TRPC1: variants seen among roughly 807,000 people sequenced by gnomAD.
The protein encoded by TRPC1 is transient receptor potential cation channel subfamily C member 1, also known as short transient receptor potential channel 1.
A neutral mutation model predicts 88.2 loss-of-function variants in TRPC1; 42 were observed. That is an observed-to-expected ratio of 0.48 (90% CI 0.37 to 0.62). TRPC1 has a LOEUF of 0.62. Among genes scored for constraint, TRPC1 ranks in the 20% least tolerant of loss-of-function variants. TRPC1 has a pLI of 0.00. For synonymous variants in TRPC1, 288 were observed against 331.8 expected (o/e 0.87, Z 1.43); for missense variants, 699 against 957.3 (o/e 0.73, Z 3.56).
chr3:142,743,330 T>C (rs1399525730), intron 2 of TRPC1, among the ~76,000 whole-genome samples, 155 bp from the exon 3 acceptor site: 1 of 152,160 alleles, frequency 6.6e-6, no homozygotes, highest in Non-Finnish European at 1.5e-5. Flanking sequence ...GGCAAGCAAA[T>C]GTACTATTTG....
chr3:142,775,818 A>T (rs1044502192), intron 4 of TRPC1, among the ~76,000 whole-genome samples: 4 of 152,230 alleles, frequency 2.6e-5, no homozygotes, highest in African/African-American at 9.6e-5. Context: ...AAAGAAATTC[A>T]TTTTAAACCA....
chr3:142,777,914 C>A, intron 5 of TRPC1, 151 bp downstream of exon 5: 1 of 804,314 alleles, frequency 1.2e-6, no homozygotes, highest in East Asian at 2.9e-5. Context: ...CCCCTGCTCT[C>A]CCTCAAAGGA....
In TRPC1 at chr3:142,724,287, GGA is replaced by G. The variant is rs1933561071; in HGVS notation, c.-272_-271del. The G allele has an allele frequency of 4.9e-6, 1 of 205,370 alleles. No homozygotes were observed. The highest frequency in any genetic ancestry group is 9.7e-6 in the Non-Finnish European group (1 of 103,196). The allele number at this position is 205,370 out of a possible 1,614,324, so 12.7% of individuals were successfully genotyped here. ...CACACTGTCGTCCCCGGACGGGCGCGGACCGGCTCGGCCGGGGCGCCGGCGGC... is the reference window on the plus strand; with the variant it reads ...CACACTGTCGTCCCCGGACGGGCGCGCCGGCTCGGCCGGGGCGCCGGCGGC... On this transcript the variant is annotated 5_prime_UTR_variant, in exon 1 of 13. Coordinates refer to ENST00000476941, the MANE Select transcript of TRPC1 (RefSeq NM_001251845.2). The surrounding 1 kb of genome is among the most constrained non-coding windows in gnomAD (Gnocchi z 5.6).
intron 6 of TRPC1, among the ~76,000 whole-genome samples, chr3:142,784,171 A>G (rs573499063): frequency 1.3e-5 from 2 of 152,230 alleles, no homozygotes; most frequent in East Asian, 1.9e-4. Context: ...ACTAAAATCA[A>G]TAGTTTCTCT....
Position 142,805,303 on chromosome 3 carries a change from TA to T in TRPC1, c.2154+676del, listed in dbSNP as rs1350707181. 3.3e-5 allele frequency among the ~76,000 whole-genome samples: 5 copies of T among 152,230 alleles called. No homozygotes were observed. The South Asian group carries it at 1.0e-3, about 32-fold the overall frequency. On this transcript the variant is annotated intron_variant, in intron 12 of 12. Transcript: ENST00000476941. ...AAAATACCCATTCTGTCACTGTAGC[TA>T]AAGAATGACTACTAGAATCAGCTCA...
chr3:142,753,248 G>C (rs1445325880), intron 4 of TRPC1, among the ~76,000 whole-genome samples: 3 of 152,190 alleles, frequency 2.0e-5, no homozygotes, highest in African/African-American at 7.2e-5. Flanking sequence ...AGATCTTTTA[G>C]TATGAGTAAG....
Position 142,770,674 on chromosome 3 carries a change from T to C in TRPC1, c.633-6958T>C, listed in dbSNP as rs1935546056. 2.0e-5 allele frequency among the ~76,000 whole-genome samples: 3 copies of C among 152,230 alleles called. No individual in the cohort carries two copies. In the South Asian group the frequency reaches 6.2e-4, roughly 31 times the overall value. On this transcript the variant is annotated intron_variant, in intron 4 of 12. Coordinates refer to ENST00000476941, the MANE Select transcript of TRPC1 (RefSeq NM_001251845.2). ...ATTAAGCTGTTCACATTTAATGTTA[T>C]TGATAGTTGGATTTATGCCTTCCAT...
intron 4 of TRPC1, among the ~76,000 whole-genome samples, chr3:142,774,910 T>C (rs1436563537): frequency 1.3e-5 from 2 of 152,196 alleles, no homozygotes; most frequent in Non-Finnish European, 2.9e-5. Context: ...ATTCCACCAT[T>C]ATTGGAAGTT....
Position 142,780,926 on chromosome 3 carries a change from T to C in TRPC1, c.857T>C (p.Leu286Pro). 4 of 1,614,014 alleles carry C rather than the reference T, an allele frequency of 2.5e-6. No individual in the cohort carries two copies. The highest frequency in any genetic ancestry group is 3.4e-6 in the Non-Finnish European group (4 of 1,179,916). ...AATTCTCGTGAATTGGAAGTTATTC[T>C]AAACCATACGTCTAGTGACGAGCCT... Reference protein sequence around the residue: ...ARNSRELEVILNHTSSDEPLD... With the variant: ...ARNSRELEVIPNHTSSDEPLD... Residue 286 changes from leucine to proline, a missense_variant, in exon 6 of 13, where the codon CTA (leucine) becomes CCA (proline). Leu to Pro is a moderately conservative substitution (Grantham distance 98, BLOSUM62 -3). Coordinates refer to ENST00000476941, the MANE Select transcript of TRPC1 (RefSeq NM_001251845.2).
chr3:142,801,020 C>T (rs1348968530), intron 9 of TRPC1, among the ~76,000 whole-genome samples: 1 of 151,862 alleles, frequency 6.6e-6, no homozygotes, highest in African/African-American at 2.4e-5. Context: ...CAGAAACTTC[C>T]TATGCATATT....
chr3:142,744,660 G>C (rs184194070), intron 3 of TRPC1, among the ~76,000 whole-genome samples: 1 of 152,108 alleles, frequency 6.6e-6, no homozygotes, highest in Non-Finnish European at 1.5e-5. Context: ...AAAAATATGC[G>C]TAGAAAAGGG....
At chr3:142,739,361 G>T (rs1182811943) in intron 2 of TRPC1, among the ~76,000 whole-genome samples, 1 of 152,162 alleles carries the variant, frequency 6.6e-6, no homozygotes, top group East Asian at 1.9e-4. Context: ...GTGAATGGCA[G>T]ACCTGGAATT....
intron 4 of TRPC1, among the ~76,000 whole-genome samples, chr3:142,775,199 G>T (rs1935724926): frequency 6.6e-6 from 1 of 151,934 alleles, no homozygotes; most frequent in Non-Finnish European, 1.5e-5. Context: ...CATTATATGG[G>T]ATTACTTTTG....
chr3:142,772,189 T>C (rs1441815498), intron 4 of TRPC1, among the ~76,000 whole-genome samples: 3 of 152,170 alleles, frequency 2.0e-5, no homozygotes, highest in African/African-American at 7.2e-5. Flanking sequence ...TTCCTGGATG[T>C]GTTGGTTGTT....
At chr3:142,757,395 G>C (rs1366491237) in intron 4 of TRPC1, among the ~76,000 whole-genome samples, 1 of 151,930 alleles carries the variant, frequency 6.6e-6, no homozygotes, top group Non-Finnish European at 1.5e-5. Flanking sequence ...CAAAGACTAG[G>C]ACCCAACCCA....
At position 142,804,529 on chromosome 3, in the gene TRPC1, A is replaced by G; in HGVS notation, c.2053A>G (p.Ile685Val). 6.2e-7 allele frequency: 1 copy of G among 1,613,896 alleles called. No individual in the cohort carries two copies. Among genetic ancestry groups the G allele is most frequent in the Non-Finnish European group, 8.5e-7 (1 of 1,179,862 alleles). ...TACGTTACCTCCACCTTTCAACATC[A>G]TTCCCTCACCAAAGACTATCTGCTA... ...KCTLPPPFNIIPSPKTICYMI... is the reference protein window; with the variant it reads ...KCTLPPPFNIVPSPKTICYMI... The change falls in exon 12 of 13, where the codon ATT (isoleucine) becomes GTT (valine). Residue 685 changes from isoleucine (I) to valine (V), a missense_variant. Ile to Val is a conservative substitution (Grantham distance 29, BLOSUM62 3). This residue lies in a region of TRPC1 where 105 missense variants were observed against 141.7 expected (regional missense o/e 0.74). Transcript: ENST00000476941.
chr3:142,782,216 CTGAAGGACTCACAGAGTGGAGTCCAAAT>C (rs1248744705), intron 6 of TRPC1, among the ~76,000 whole-genome samples: 4 of 152,086 alleles, frequency 2.6e-5, no homozygotes, highest in Admixed American at 2.6e-4. Flanking sequence ...AGCTATATCC[CTGAAGGACTCACAGAGTGGAGTCCAAAT>C]GGAACCAAAT....
intron 4 of TRPC1, among the ~76,000 whole-genome samples, chr3:142,772,756 C>T (rs140759515): frequency 3.9e-4 from 59 of 152,248 alleles, no homozygotes; most frequent in African/African-American, 1.3e-3. Context: ...CACTGTACTC[C>T]AGCCTGGGTG....
chr3:142,731,937 C>T (rs1289705058), intron 1 of TRPC1, among the ~76,000 whole-genome samples: 1 of 152,154 alleles, frequency 6.6e-6, no homozygotes, highest in African/African-American at 2.4e-5. Flanking sequence ...CATCCACTAT[C>T]ATTTGTTTAC....
Sources: gnomAD v4.1 joint callset for allele counts (sites outside exome capture counted in the v4.1 genomes callset) on GRCh38, gnomAD v4.1.1 for gene constraint, gnomAD v4.1.1 regional missense constraint, Gnocchi (gnomAD v3.1) non-coding constraint, MANE v1.5 for transcripts, NCBI Gene and HGNC (gene_info 2026-07-23, HGNC 2026-07-21) for gene names.